Variants in NALF1 observed in about 807,000 individuals in gnomAD.
The protein encoded by NALF1 is NALCN channel auxiliary factor 1, also known as family with sequence similarity 155 member A.
In NALF1, 3 loss-of-function variants were observed where a neutral mutation model predicts 48.4. The observed-to-expected ratio is 0.06, with a 90% CI of 0.03 to 0.16. NALF1 has a LOEUF of 0.16. Among genes scored for constraint, NALF1 ranks in the 10% least tolerant of loss-of-function variants. NALF1 has a pLI of 1.00. For synonymous variants in NALF1, 262 were observed against 245.7 expected (o/e 1.07, Z -0.62); for missense variants, 526 against 571.5 (o/e 0.92, Z 0.81).
chr13:107,818,227 G>A (rs532313782), intron 1 of NALF1, among the ~76,000 whole-genome samples: 4 of 152,178 alleles, frequency 2.6e-5, no homozygotes, highest in South Asian at 2.1e-4. Flanking sequence ...TTAGACACAC[G>A]GAGGGGCTGT....
intron 1 of NALF1, among the ~76,000 whole-genome samples, chr13:107,266,540 C>G (rs1028551084): frequency 6.6e-6 from 1 of 152,052 alleles, no homozygotes; most frequent in East Asian, 1.9e-4. Flanking sequence ...GGCCTTCATT[C>G]TGTAGAAGAA....
rs932563962 is a variant in NALF1 at position 107,713,699 on chromosome 13, G to T, written c.915+151983C>A. Among the ~76,000 whole-genome samples, 3 of 152,190 alleles carry T rather than the reference G, an allele frequency of 2.0e-5. No homozygotes were observed. The East Asian group carries it at 5.8e-4, about 29-fold the overall frequency. On this transcript the variant is annotated intron_variant, in intron 1 of 2. Transcript: ENST00000375915. ...TAAACCATGTAGTATGAAGGCAAAA[G>T]AATGATAAAATGGAGCTGAAAGTAA... is the stretch of plus-strand genomic sequence containing the variant.
chr13:107,244,402 T>G (rs1227725780), intron 1 of NALF1, among the ~76,000 whole-genome samples: 1 of 152,248 alleles, frequency 6.6e-6, no homozygotes, highest in Non-Finnish European at 1.5e-5. Context: ...ATGAGCTTTA[T>G]CATAGTGACC....
chr13:107,815,049 T>C (rs7995900), intron 1 of NALF1, among the ~76,000 whole-genome samples: 12,930 of 152,146 alleles, frequency 0.085, 822 homozygotes, highest in East Asian at 0.39. Flanking sequence ...CAATTTAAAG[T>C]TCGTAGAAGA....
chr13:107,239,889 C>T (rs1880432682), intron 1 of NALF1, among the ~76,000 whole-genome samples: 2 of 152,156 alleles, frequency 1.3e-5, no homozygotes, highest in Admixed American at 1.3e-4. Context: ...GGGAGAAAGC[C>T]ACCTGCTGGA....
intron 1 of NALF1, among the ~76,000 whole-genome samples, chr13:107,674,415 G>A (rs75139820): frequency 0.019 from 2,961 of 152,252 alleles, 30 homozygotes; most frequent in Non-Finnish European, 0.03. Context: ...TCACTCACAG[G>A]TCTTTGAATA....
intron 1 of NALF1, among the ~76,000 whole-genome samples, chr13:107,546,187 A>G (rs902936080): frequency 3.9e-5 from 6 of 152,120 alleles, no homozygotes; most frequent in African/African-American, 1.4e-4. Flanking sequence ...AACAAAGCCC[A>G]TTGCGATTTA....
intron 1 of NALF1, among the ~76,000 whole-genome samples, chr13:107,402,163 A>C (rs1883820483): frequency 6.6e-6 from 1 of 152,154 alleles, no homozygotes; most frequent in Non-Finnish European, 1.5e-5. Context: ...TGGCATAGTG[A>C]CTTCAGTCTT....
chr13:107,672,302 T>C (rs1261778589), intron 1 of NALF1, among the ~76,000 whole-genome samples: 2 of 152,204 alleles, frequency 1.3e-5, no homozygotes, highest in Non-Finnish European at 2.9e-5. Flanking sequence ...TCTAATAATA[T>C]CTCACACATA....
chr13:107,255,858 C>T (rs79540051), intron 1 of NALF1, among the ~76,000 whole-genome samples: 2,786 of 152,114 alleles, frequency 0.018, 86 homozygotes, highest in African/African-American at 0.063. Flanking sequence ...TCTTTATTGT[C>T]TTTTAATAAA....
intron 2 of NALF1, among the ~76,000 whole-genome samples, chr13:107,209,843 C>T (rs912784034): frequency 4.6e-5 from 7 of 152,230 alleles, no homozygotes; most frequent in Admixed American, 2.0e-4. Context: ...AGCCACCACT[C>T]GGATTATCAC....
At chr13:107,482,373 T>C (rs1207264286) in intron 1 of NALF1, among the ~76,000 whole-genome samples, 1 of 152,152 alleles carries the variant, frequency 6.6e-6, no homozygotes, top group Non-Finnish European at 1.5e-5. Context: ...CTATTGGTTA[T>C]GTGTCTCCAG....
chr13:107,741,527 A>AGCGCGGAT (rs11282450), intron 1 of NALF1, among the ~76,000 whole-genome samples: 1 of 152,052 alleles, frequency 6.6e-6, no homozygotes. Context: ...CAGGTATTTA[A>AGCGCGGAT]CACTGAGAAA....
intron 1 of NALF1, among the ~76,000 whole-genome samples, chr13:107,784,443 A>G (rs1466385956): frequency 7.9e-5 from 12 of 152,188 alleles, no homozygotes; most frequent in Admixed American, 6.5e-5. Context: ...TAGAATAGAA[A>G]GCTCCTCGGA....
At chr13:107,744,581 G>A (rs966511574) in intron 1 of NALF1, among the ~76,000 whole-genome samples, 2 of 152,150 alleles carry the variant, frequency 1.3e-5, no homozygotes, top group Non-Finnish European at 2.9e-5. Flanking sequence ...TGAATCTATA[G>A]AAATCATGTG....
At chr13:107,771,707 T>C (rs1201474287) in intron 1 of NALF1, among the ~76,000 whole-genome samples, 2 of 152,044 alleles carry the variant, frequency 1.3e-5, no homozygotes, top group Non-Finnish European at 2.9e-5. Flanking sequence ...GACTTGAGAG[T>C]GTCCAGATAT....
At chr13:107,322,069 T>G (rs1178069869) in intron 1 of NALF1, among the ~76,000 whole-genome samples, 1 of 152,128 alleles carries the variant, frequency 6.6e-6, no homozygotes, top group Non-Finnish European at 1.5e-5. Context: ...TTTGCGAAGA[T>G]TTTACTTAAA....
At chr13:107,537,159 A>G (rs975588404) in intron 1 of NALF1, among the ~76,000 whole-genome samples, 13 of 152,094 alleles carry the variant, frequency 8.5e-5, no homozygotes, top group East Asian at 1.9e-4. Context: ...CAGCACACCA[A>G]CATGGCACAT....
At chr13:107,808,566 C>T (rs969444836) in intron 1 of NALF1, among the ~76,000 whole-genome samples, 5 of 151,718 alleles carry the variant, frequency 3.3e-5, no homozygotes, top group African/African-American at 9.7e-5. Context: ...ACACTGATGA[C>T]TCGAGAAAAG....
Sources: gnomAD v4.1 joint callset for allele counts (sites outside exome capture counted in the v4.1 genomes callset) on GRCh38, gnomAD v4.1.1 for gene constraint, MANE v1.5 for transcripts, NCBI Gene and HGNC (gene_info 2026-07-23, HGNC 2026-07-21) for gene names.